The following ANKRD30B variants were observed in gnomAD, a reference collection of about 807,000 sequenced individuals.
ANKRD30B encodes the protein ankyrin repeat domain-containing protein 30B.
A neutral mutation model predicts 202.2 loss-of-function variants in ANKRD30B; 144 were observed. The observed-to-expected ratio is 0.71, with a 90% CI of 0.62 to 0.82. ANKRD30B has a LOEUF of 0.82. Among genes scored for constraint, ANKRD30B ranks in the 40% least tolerant of loss-of-function variants. The pLI is 0.00. For missense variants in ANKRD30B, 1,487 were observed against 1,669.1 expected, an observed-to-expected ratio of 0.89 and a Z score of 1.90; for synonymous variants, 508 against 561.3, an observed-to-expected ratio of 0.91 and a Z score of 1.34.
the ANKRD30B span, among the ~76,000 whole-genome samples, chr18:14,866,234 G>A: frequency 1.3e-5 from 2 of 152,372 alleles, no homozygotes; most frequent in East Asian, 3.9e-4. Flanking sequence ...AGAGGACCAG[G>A]AGAAGGGGGA....
intron 33 of ANKRD30B, among the ~76,000 whole-genome samples, chr18:14,828,569 T>A (rs1268679758): frequency 6.6e-6 from 1 of 152,180 alleles, no homozygotes; most frequent in Non-Finnish European, 1.5e-5. Flanking sequence ...ACCCTTGAGT[T>A]TGCCATCTGC....
downstream of ANKRD30B, among the ~76,000 whole-genome samples, chr18:14,856,072 C>T: frequency 7.2e-6 from 1 of 138,544 alleles, no homozygotes; most frequent in East Asian, 2.1e-4. Context: ...CTCCTCACCT[C>T]CTAGATGGGG....
the ANKRD30B span, among the ~76,000 whole-genome samples, chr18:14,892,474 C>T: frequency 1.5e-4 from 23 of 152,074 alleles, no homozygotes; most frequent in Admixed American, 1.5e-3. Context: ...TGTGGTAGCT[C>T]ACACCTGTAA....
At chr18:14,785,032 G>T (rs961888897) in intron 14 of ANKRD30B, among the ~76,000 whole-genome samples, 2 of 152,092 alleles carry the variant, frequency 1.3e-5, no homozygotes, top group African/African-American at 4.8e-5. Context: ...GTGTGTGTCT[G>T]CGTGTGTTCC....
chr18:14,797,510 C>A, intron 18 of ANKRD30B, 151 bp from the exon 19 acceptor site: 1 of 868,748 alleles, frequency 1.2e-6, no homozygotes, highest in Non-Finnish European at 1.9e-6. Context: ...GGCATGTTAA[C>A]AAATACAATA....
chr18:14,916,088 G>C, the ANKRD30B span, among the ~76,000 whole-genome samples: 1 of 152,310 alleles, frequency 6.6e-6, no homozygotes, highest in East Asian at 1.9e-4. Flanking sequence ...CAGAAGAATG[G>C]CTGTATGTGC....
intron 1 of ANKRD30B, among the ~76,000 whole-genome samples, chr18:14,750,836 G>A (rs1305173905): frequency 6.6e-6 from 1 of 151,998 alleles, no homozygotes; most frequent in Non-Finnish European, 1.5e-5. Context: ...TACAGACTAT[G>A]GTCTTGTGTT....
intron 20 of ANKRD30B, among the ~76,000 whole-genome samples, chr18:14,798,444 A>G (rs1361475828): frequency 1.3e-5 from 2 of 152,160 alleles, no homozygotes; most frequent in Admixed American, 6.5e-5. Context: ...TCCATAACCT[A>G]TGATTAGCAA....
At chr18:14,938,770 C>T in the ANKRD30B span, among the ~76,000 whole-genome samples, 1 of 152,224 alleles carries the variant, frequency 6.6e-6, no homozygotes, top group African/African-American at 2.4e-5. Flanking sequence ...ACAAGATGCT[C>T]ACCTCCTGTT....
intron 9 of ANKRD30B, among the ~76,000 whole-genome samples, chr18:14,772,960 A>C (rs1220805584): frequency 1.3e-5 from 2 of 152,112 alleles, no homozygotes; most frequent in Admixed American, 6.6e-5. Context: ...TAATTTTAAA[A>C]ATAATTGTAG....
chr18:14,767,678 T>C (rs1244881305), intron 7 of ANKRD30B, among the ~76,000 whole-genome samples: 1 of 149,828 alleles, frequency 6.7e-6, no homozygotes, highest in Non-Finnish European at 1.5e-5. Flanking sequence ...CATGATAATG[T>C]TGATGGTTGG....
chr18:14,766,759 A>G (rs560448453), intron 7 of ANKRD30B, among the ~76,000 whole-genome samples: 1 of 152,278 alleles, frequency 6.6e-6, no homozygotes, highest in Admixed American at 6.5e-5. Flanking sequence ...GATGTAGAAT[A>G]AGAAGAAAGC....
chr18:14,831,447 A>C lies in ANKRD30B; in HGVS notation c.2839A>C (p.Thr947Pro). 1 of 1,525,328 alleles carries C rather than the reference A, an allele frequency of 6.6e-7. No homozygotes were observed. Among genetic ancestry groups the C allele is most frequent in the Non-Finnish European group, 8.8e-7 (1 of 1,130,098 alleles). 94.5% of individuals were successfully genotyped at this position (1,525,328 alleles called of 1,614,324 possible). A position where few individuals can be genotyped will look rare whatever the true frequency, so the allele number is the denominator to read the frequency against. ...AAAAGTTGAGGAAGACTTTAATCTT[A>C]CTACCAAGGTAAAATAGTCTCTTGT... Reference protein sequence around the residue: ...STKVEEDFNLTTKEGATKTVT... With the variant: ...STKVEEDFNLPTKEGATKTVT... The change falls in exon 34 of 44, where the codon ACT (threonine) becomes CCT (proline). Residue 947 changes from threonine (T) to proline (P), a missense_variant. By Grantham distance (38) the Thr-to-Pro change is conservative. Transcript: ENST00000690538.
At chr18:14,787,794 A>G (rs1183148811) in intron 15 of ANKRD30B, among the ~76,000 whole-genome samples, 2 of 152,216 alleles carry the variant, frequency 1.3e-5, no homozygotes, top group Non-Finnish European at 2.9e-5. Flanking sequence ...AAAGACATAG[A>G]AAGTATCTGA....
the ANKRD30B span, among the ~76,000 whole-genome samples, chr18:14,871,255 C>T: frequency 9.2e-6 from 1 of 108,188 alleles, no homozygotes; most frequent in Non-Finnish European, 1.8e-5. Flanking sequence ...GGGTGAGCAG[C>T]TTCCCCTACA....
At position 14,748,656 on chromosome 18, in the gene ANKRD30B, T is replaced by C; in HGVS notation, c.221+16T>C. The C allele has an allele frequency of 1.3e-6, 2 of 1,526,814 alleles. No individual in the cohort carries two copies. The highest frequency in any genetic ancestry group is 1.8e-6 in the Non-Finnish European group (2 of 1,133,972). The allele number at this position is 1,526,814 out of a possible 1,614,324, so 94.6% of individuals were successfully genotyped here. A position where few individuals can be genotyped will look rare whatever the true frequency, so the allele number is the denominator to read the frequency against. On this transcript the variant is annotated intron_variant, in intron 1 of 43. Coordinates refer to ENST00000690538, the MANE Select transcript of ANKRD30B (RefSeq NM_001367607.2). Reference sequence around the variant, plus strand: ...TGAAGAAGAGGTACCAGGCCCTGCCTGAGCCGGGGCTGCAGGAGGAGGAGG... The same window carrying C: ...TGAAGAAGAGGTACCAGGCCCTGCCCGAGCCGGGGCTGCAGGAGGAGGAGG...
At chr18:14,789,215 T>C (rs531936808) in intron 15 of ANKRD30B, among the ~76,000 whole-genome samples, 83 of 152,378 alleles carry the variant, frequency 5.4e-4, no homozygotes, top group Non-Finnish European at 1.1e-3. Flanking sequence ...TCTGTTCATG[T>C]CCTTCACCCA....
At chr18:14,789,892 A>G (rs1178375716) in intron 15 of ANKRD30B, among the ~76,000 whole-genome samples, 1 of 152,186 alleles carries the variant, frequency 6.6e-6, no homozygotes, top group African/African-American at 2.4e-5. Flanking sequence ...TTGGTTACAT[A>G]TGAACTTTAA....
intron 1 of ANKRD30B, among the ~76,000 whole-genome samples, chr18:14,752,008 T>A (rs1282973351): frequency 1.3e-5 from 2 of 152,218 alleles, no homozygotes; most frequent in East Asian, 3.8e-4. Context: ...TGTTAAAATA[T>A]GAGCAATTGA....
Sources: allele counts gnomAD v4.1 joint callset (sites outside exome capture counted in the v4.1 genomes callset), GRCh38; gene constraint gnomAD v4.1.1; transcripts MANE v1.5; gene names NCBI Gene and HGNC (gene_info 2026-07-23, HGNC 2026-07-21).